Variants in DNAJB6 observed in about 807,000 individuals in gnomAD.
The protein encoded by DNAJB6 is DnaJ heat shock protein family (Hsp40) member B6.
In DNAJB6, 16 loss-of-function variants were observed where a neutral mutation model predicts 42.7. The ratio of observed to expected loss-of-function variants is 0.37; its 90% confidence interval spans 0.25 to 0.57. DNAJB6 has a LOEUF of 0.57. DNAJB6 is among the 20% of genes least tolerant of loss of function. DNAJB6 has a pLI of 0.74. For missense variants in DNAJB6, 347 were observed against 416.8 expected (o/e 0.83, Z 1.46); for synonymous variants, 170 against 163.5 (o/e 1.04, Z -0.30).
At chr7:157,376,502 T>C (rs1800480018) in intron 5 of DNAJB6, among the ~76,000 whole-genome samples, 1 of 152,172 alleles carries the variant, frequency 6.6e-6, no homozygotes. Flanking sequence ...CTGAGCCAAA[T>C]ATAAGTGACC....
At chr7:157,359,120 A>G (rs1227472216) in intron 2 of DNAJB6, among the ~76,000 whole-genome samples, 1 of 152,214 alleles carries the variant, frequency 6.6e-6, no homozygotes, top group East Asian at 1.9e-4. Context: ...TGAGGAGGGC[A>G]GTTCAGCCAC....
At chr7:157,340,372 T>C (rs1184222038) in intron 1 of DNAJB6, among the ~76,000 whole-genome samples, 1 of 152,136 alleles carries the variant, frequency 6.6e-6, no homozygotes, top group African/African-American at 2.4e-5. Flanking sequence ...GCAAATGGTG[T>C]AGTTCAAGGA....
In DNAJB6 at chr7:157,403,738, C is replaced by T. The variant is rs1795628527; in HGVS notation, c.692-6057C>T. Reference sequence around the variant, plus strand: ...TGAGTGATTTTGGGGTCCTGAGATTCATTGTCGTTTCACAATACCTTGTTT... The same window carrying T: ...TGAGTGATTTTGGGGTCCTGAGATTTATTGTCGTTTCACAATACCTTGTTT... On this transcript the variant is annotated intron_variant, in intron 8 of 9. Transcript: ENST00000262177. 2.6e-5 allele frequency among the ~76,000 whole-genome samples: 4 copies of T among 152,224 alleles called. No homozygotes were observed. In the South Asian group the frequency reaches 6.2e-4, roughly 24 times the overall value.
Position 157,343,560 on chromosome 7 carries a change from G to A in DNAJB6, c.-27+6416G>A, listed in dbSNP as rs191992858. The stretch of plus-strand genomic sequence containing the variant: ...CTCAGCTCACTGCAAACTCTCCCGG[G>A]TTCAAGCAGTTCTCCTGCCTCACCT... On this transcript the variant is annotated intron_variant, in intron 1 of 9. Transcript: ENST00000262177. Among the ~76,000 whole-genome samples the A allele has an allele frequency of 2.0e-5, 3 of 152,146 alleles. No homozygotes were observed. In the East Asian group the frequency reaches 5.8e-4, roughly 29 times the overall value.
At chr7:157,357,434 C>T (rs1300106526) in intron 1 of DNAJB6, among the ~76,000 whole-genome samples, 1 of 150,500 alleles carries the variant, frequency 6.6e-6, no homozygotes, top group Non-Finnish European at 1.5e-5. Flanking sequence ...GCTTCAGCCT[C>T]CCGAGTAGCT....
rs1300296627 is a variant in DNAJB6, at chr7:157,388,833, C to T, written c.691+3222C>T. On this transcript the variant is annotated intron_variant, in intron 8 of 9. Coordinates refer to ENST00000262177, the MANE Select transcript of DNAJB6 (RefSeq NM_058246.4). The stretch of plus-strand genomic sequence containing the variant: ...TCCTGTTTTCCTATTCCTTGTAGCT[C>T]CCCACCCCGTTGGTTTGATTTGAGT... Among the ~76,000 whole-genome samples, 3 of 152,060 alleles carry T rather than the reference C, an allele frequency of 2.0e-5. No homozygotes were observed. In the East Asian group the frequency reaches 5.8e-4, roughly 29 times the overall value.
intron 2 of DNAJB6, among the ~76,000 whole-genome samples, chr7:157,361,561 A>G (rs1338359118): frequency 1.3e-5 from 2 of 152,216 alleles, no homozygotes; most frequent in African/African-American, 2.4e-5. Context: ...TTTGTTGAAC[A>G]TGTTGTAAGT....
At chr7:157,396,811 C>T (rs924308881) in intron 8 of DNAJB6, among the ~76,000 whole-genome samples, 14 of 152,160 alleles carry the variant, frequency 9.2e-5, no homozygotes, top group African/African-American at 3.4e-4. Context: ...ACAGCGTATC[C>T]CCCGAGACTG....
intron 1 of DNAJB6, among the ~76,000 whole-genome samples, chr7:157,347,998 G>A (rs1205914368): frequency 2.0e-5 from 3 of 151,740 alleles, no homozygotes; most frequent in Non-Finnish European, 2.9e-5. Context: ...GTTACGTCAT[G>A]TTGGTCAGGC....
chr7:157,375,658 G>A (rs1199704917), intron 5 of DNAJB6, among the ~76,000 whole-genome samples: 1 of 152,216 alleles, frequency 6.6e-6, no homozygotes, highest in Non-Finnish European at 1.5e-5. Flanking sequence ...AGCTCCGGCC[G>A]TGTTCTTCAT....
intron 8 of DNAJB6, among the ~76,000 whole-genome samples, chr7:157,395,106 C>A (rs1049923514): frequency 8.3e-5 from 10 of 120,236 alleles, no homozygotes; most frequent in Non-Finnish European, 1.4e-4. Context: ...CCGCGCCCCC[C>A]CACCTCCCAA....
intron 7 of DNAJB6, 59 bp downstream of exon 7, chr7:157,385,067 C>T: frequency 6.5e-7 from 1 of 1,539,418 alleles, no homozygotes; most frequent in Non-Finnish European, 8.9e-7. Context: ...TTCACTGGTG[C>T]CATGTTGCAC....
At chr7:157,396,955 G>C (rs778756242) in intron 8 of DNAJB6, among the ~76,000 whole-genome samples, 2 of 152,200 alleles carry the variant, frequency 1.3e-5, no homozygotes, top group Non-Finnish European at 2.9e-5. Flanking sequence ...TCCTGAACCT[G>C]CCACGGGACG....
intron 8 of DNAJB6, among the ~76,000 whole-genome samples, chr7:157,389,602 C>T (rs571411282): frequency 1.3e-5 from 2 of 152,128 alleles, no homozygotes; most frequent in African/African-American, 2.4e-5. Context: ...GTTCTAGGGA[C>T]GTGGGGGGAG....
intron 8 of DNAJB6, among the ~76,000 whole-genome samples, chr7:157,404,360 A>G (rs1386988395): frequency 6.6e-6 from 1 of 150,596 alleles, no homozygotes; most frequent in Non-Finnish European, 1.5e-5. Flanking sequence ...GTGCGATCAC[A>G]GCTCACTGCA....
At chr7:157,370,921 T>C (rs1209477882) in intron 5 of DNAJB6, 1 of 152,602 alleles carries the variant, frequency 6.6e-6, no homozygotes, top group African/African-American at 2.4e-5. Context: ...TTTCCGCTTA[T>C]TCATGATGTA....
Position 157,388,667 on chromosome 7 carries a change from G to A in DNAJB6, c.691+3056G>A, listed in dbSNP as rs114282178. Among the ~76,000 whole-genome samples, 596 of 151,262 alleles carry A rather than the reference G, an allele frequency of 3.9e-3. 5 individuals carry two copies. The highest frequency in any genetic ancestry group is 0.014 in the African/African-American group (564 of 40,848). On this transcript the variant is annotated intron_variant, in intron 8 of 9. Transcript: ENST00000262177. ...GGGGGGGTAAGTGGTTTTTGGTGAC[G>A]TAGATGCATTATATAGTGAATTCTG...
intron 8 of DNAJB6, 197 bp downstream of exon 8, chr7:157,385,808 T>C: frequency 7.5e-7 from 1 of 1,339,036 alleles, no homozygotes; most frequent in East Asian, 2.6e-5. Flanking sequence ...TCATAGACTT[T>C]TGAGTTGATT....
At chr7:157,346,686 A>G (rs1798705654) in intron 1 of DNAJB6, among the ~76,000 whole-genome samples, 1 of 152,220 alleles carries the variant, frequency 6.6e-6, no homozygotes, top group Admixed American at 6.5e-5. Context: ...GTAACCTTTC[A>G]TGGAGTTTGT....
Sources: gnomAD v4.1 joint callset for allele counts (sites outside exome capture counted in the v4.1 genomes callset) on GRCh38, gnomAD v4.1.1 for gene constraint, MANE v1.5 for transcripts, NCBI Gene and HGNC (gene_info 2026-07-23, HGNC 2026-07-21) for gene names.